POLN: variants seen among roughly 807,000 people sequenced by gnomAD.
POLN encodes the protein DNA polymerase N.
In POLN, 108 loss-of-function variants were observed where a neutral mutation model predicts 113.5. That is an observed-to-expected ratio of 0.95 (90% CI 0.81 to 1.12). POLN has a LOEUF of 1.12. POLN is among the 50% of genes most tolerant of loss of function. POLN has a pLI of 0.00. For synonymous variants in POLN, 386 were observed against 391.5 expected (o/e 0.99, Z 0.17); for missense variants, 1,097 against 1,077.1 (o/e 1.02, Z -0.26).
rs753103731 is a variant in POLN, at chr4:2,171,183, T to C, written c.1375-2A>G. 58 of 1,608,012 alleles carry C rather than the reference T, an allele frequency of 3.6e-5. No homozygotes were observed. The highest frequency in any genetic ancestry group is 4.6e-5 in the Non-Finnish European group (54 of 1,176,290). On this transcript the variant is annotated splice_acceptor_variant, in intron 11 of 25. Coordinates refer to ENST00000511885, the MANE Select transcript of POLN (RefSeq NM_181808.4). LOFTEE classifies it high-confidence loss of function. The stretch of plus-strand genomic sequence containing the variant: ...TTGCTCCAATTCCTTGAGACGAGCC[T>C]GAAAATATGATACACACAATTAATT...
rs551211669 is a variant in POLN, at chr4:2,141,559, G to A, written c.1732-10269C>T. ...TTCATGAAGGACTGCGGTGCGTTCT[G>A]TGCTCTCAGCACGGCCAGCATCTGG... On this transcript the variant is annotated intron_variant, in intron 16 of 25. Coordinates refer to ENST00000511885, the MANE Select transcript of POLN (RefSeq NM_181808.4). Among the ~76,000 whole-genome samples the A allele has an allele frequency of 6.6e-5, 10 of 152,322 alleles. No individual in the cohort carries two copies. In the South Asian group the frequency reaches 2.1e-3, roughly 32 times the overall value.
chr4:2,163,001 C>T, intron 13 of POLN, among the ~76,000 whole-genome samples: 1 of 111,426 alleles, frequency 9.0e-6, no homozygotes. Context: ...CCACAGAAAT[C>T]TGAGAATCAA....
intron 4 of POLN, among the ~76,000 whole-genome samples, chr4:2,212,047 A>C (rs902721135): frequency 6.6e-6 from 1 of 152,142 alleles, no homozygotes; most frequent in African/African-American, 2.4e-5. Context: ...TAATCATCCC[A>C]TCAACCCAAG....
At chr4:2,226,910 T>C (rs1328832255) in intron 3 of POLN, among the ~76,000 whole-genome samples, 2 of 152,234 alleles carry the variant, frequency 1.3e-5, no homozygotes, top group Non-Finnish European at 2.9e-5. Flanking sequence ...ATTAAAACTT[T>C]AGGTCCAGCA....
intron 3 of POLN, 100 bp downstream of exon 3, chr4:2,228,999 G>A: frequency 8.3e-7 from 1 of 1,201,910 alleles, no homozygotes; most frequent in South Asian, 1.6e-5. Context: ...CGGGAGCTGG[G>A]CTTCATCTGT....
At chr4:2,201,913 C>T (rs1443539722) in intron 5 of POLN, among the ~76,000 whole-genome samples, 1 of 151,998 alleles carries the variant, frequency 6.6e-6, no homozygotes, top group Non-Finnish European at 1.5e-5. Context: ...CAATTGTATC[C>T]AACGAAACTA....
chr4:2,147,635 TTTCTTTTC>T lies in POLN; in HGVS notation c.1731+9145_1731+9152del, dbSNP rs748842705. ...TCAAGAGTAGATCAGACATCCAGTTTTTCTTTTCTTTTTTTTTTTTTTTTGAGACAAAG... is the reference window on the plus strand; with the variant it reads ...TCAAGAGTAGATCAGACATCCAGTTTTTTTTTTTTTTTTTTTGAGACAAAG... On this transcript the variant is annotated intron_variant, in intron 16 of 25. Coordinates refer to ENST00000511885, the MANE Select transcript of POLN (RefSeq NM_181808.4). Among the ~76,000 whole-genome samples, 5 of 62,446 alleles carry T rather than the reference TTTCTTTTC, an allele frequency of 8.0e-5. 1 individual carries two copies. Among genetic ancestry groups the T allele is most frequent in the Non-Finnish European group, 1.1e-4 (2 of 18,822 alleles). 41.0% of individuals were successfully genotyped at this position (62,446 alleles called of 152,430 possible).
At chr4:2,114,622 T>C (rs182021751) in intron 19 of POLN, among the ~76,000 whole-genome samples, 2 of 152,340 alleles carry the variant, frequency 1.3e-5, no homozygotes, top group Admixed American at 1.3e-4. Context: ...TGTTGTTCCT[T>C]TGTATACACA....
rs558040101 is a variant in POLN, at chr4:2,111,009, G to A, written c.1983-15076C>T. Among the ~76,000 whole-genome samples, 19 of 152,210 alleles carry A rather than the reference G, an allele frequency of 1.2e-4. No individual in the cohort carries two copies. In the East Asian group the frequency reaches 1.9e-3, roughly 15 times the overall value. ...ATCCTCAATAAAATACTGGCAAACCGAATCCAGCAACACATCAAAAAGCTT... is the reference window on the plus strand; with the variant it reads ...ATCCTCAATAAAATACTGGCAAACCAAATCCAGCAACACATCAAAAAGCTT... On this transcript the variant is annotated intron_variant, in intron 19 of 25. Coordinates refer to ENST00000511885, the MANE Select transcript of POLN (RefSeq NM_181808.4).
chr4:2,202,202 A>C (rs925768231), intron 5 of POLN, among the ~76,000 whole-genome samples: 8 of 152,236 alleles, frequency 5.3e-5, no homozygotes, highest in Non-Finnish European at 8.8e-5. Flanking sequence ...CTCAATACTA[A>C]CGTTGAATGT....
intron 20 of POLN, among the ~76,000 whole-genome samples, chr4:2,091,355 T>C (rs1730657848): frequency 6.6e-6 from 1 of 151,994 alleles, no homozygotes; most frequent in African/African-American, 2.4e-5. Context: ...AGAAAGCCCA[T>C]CCACAAGAGA....
At chr4:2,128,085 G>T in intron 19 of POLN, 28 bp downstream of exon 19, 1 of 1,395,820 alleles carries the variant, frequency 7.2e-7, no homozygotes, top group Non-Finnish European at 1.0e-6. Context: ...CTGCAGATCT[G>T]ATAATATTGT....
chr4:2,199,061 T>C (rs1454225871), intron 5 of POLN, among the ~76,000 whole-genome samples: 1 of 152,082 alleles, frequency 6.6e-6, no homozygotes, highest in Non-Finnish European at 1.5e-5. Context: ...AAAAAACGAA[T>C]CCTGGAGCTA....
chr4:2,081,281 G>A, intron 22 of POLN: 1 of 1,175,788 alleles, frequency 8.5e-7, no homozygotes, highest in Non-Finnish European at 1.2e-6. Context: ...CCCCTGCCAG[G>A]CATGCATGGG....
chr4:2,141,765 G>C (rs1479360911), intron 16 of POLN, among the ~76,000 whole-genome samples: 1 of 152,188 alleles, frequency 6.6e-6, no homozygotes, highest in East Asian at 1.9e-4. Context: ...GGGGAGTGCA[G>C]GACCCCAGGA....
intron 2 of POLN, among the ~76,000 whole-genome samples, chr4:2,237,306 C>T (rs765474757): frequency 3.3e-5 from 5 of 150,946 alleles, no homozygotes; most frequent in African/African-American, 9.8e-5. Flanking sequence ...CATGGTGGCA[C>T]GTGCCTGTAG....
chr4:2,081,470 C>T (rs1730417750), intron 22 of POLN, 163 bp downstream of exon 22: 1 of 692,324 alleles, frequency 1.4e-6, no homozygotes, highest in East Asian at 2.7e-5. Flanking sequence ...TGCCTCCTGA[C>T]AGTAACTGCC....
chr4:2,196,124 C>T (rs11947178), intron 6 of POLN, among the ~76,000 whole-genome samples: 42,833 of 151,998 alleles, frequency 0.28, 10,120 homozygotes, highest in African/African-American at 0.64. Flanking sequence ...TGAAAAAAAT[C>T]GAATATTTTT....
intron 16 of POLN, among the ~76,000 whole-genome samples, chr4:2,153,160 G>A (rs1223667654): frequency 4.6e-5 from 7 of 152,200 alleles, no homozygotes; most frequent in African/African-American, 1.4e-4. Context: ...AGCTGTTGCT[G>A]AGAGCAAAAA....
Sources: allele counts gnomAD v4.1 joint callset (sites outside exome capture counted in the v4.1 genomes callset), GRCh38; gene constraint gnomAD v4.1.1; transcripts MANE v1.5; gene names NCBI Gene and HGNC (gene_info 2026-07-23, HGNC 2026-07-21).